Variants in EYA2 observed in about 807,000 individuals in gnomAD.
The protein encoded by EYA2 is EYA transcriptional coactivator and phosphatase 2, also known as protein phosphatase EYA2.
In EYA2, 31 loss-of-function variants were observed where a neutral mutation model predicts 69.2. The observed-to-expected ratio is 0.45, with a 90% confidence interval of 0.34 to 0.60. The LOEUF is 0.60. Among genes scored for constraint, EYA2 ranks in the 20% least tolerant of loss-of-function variants. The pLI, the probability that EYA2 is intolerant of heterozygous loss-of-function variation, is 0.02. For missense variants in EYA2, 622 were observed against 701.2 expected (o/e 0.89, Z 1.28); for synonymous variants, 257 against 279.4 (o/e 0.92, Z 0.80).
intron 8 of EYA2, among the ~76,000 whole-genome samples, chr20:47,094,093 G>A (rs540497323): frequency 6.6e-6 from 1 of 152,348 alleles, no homozygotes; most frequent in Admixed American, 6.5e-5. Flanking sequence ...GTCACCTGCA[G>A]AATGGCCACC....
chr20:47,024,639 G>T (rs1169809649), intron 5 of EYA2, among the ~76,000 whole-genome samples: 1 of 152,204 alleles, frequency 6.6e-6, no homozygotes, highest in East Asian at 1.9e-4. Flanking sequence ...CTGACTTGCA[G>T]CTCCATCTCC....
intron 10 of EYA2, among the ~76,000 whole-genome samples, chr20:47,166,055 G>A (rs2034178956): frequency 6.6e-6 from 1 of 151,710 alleles, no homozygotes; most frequent in Admixed American, 6.6e-5. Context: ...AAATGAATGA[G>A]GCAGGGGCTT....
At chr20:46,901,650 T>A (rs1984116476) in intron 1 of EYA2, 1 of 152,214 alleles carries the variant, frequency 6.6e-6, no homozygotes, top group Admixed American at 6.5e-5. Context: ...TCTAGAAACA[T>A]TGATCTCTCC....
intron 1 of EYA2, among the ~76,000 whole-genome samples, chr20:46,984,826 G>C (rs527738832): frequency 3.3e-5 from 5 of 152,304 alleles, no homozygotes; most frequent in African/African-American, 1.2e-4. Context: ...GTTCATTGCA[G>C]CATTGTTTAT....
chr20:46,989,652 G>A (rs895528588), intron 1 of EYA2, among the ~76,000 whole-genome samples: 5 of 152,154 alleles, frequency 3.3e-5, no homozygotes, highest in Non-Finnish European at 5.9e-5. Context: ...CTCCCTCTCT[G>A]CCTGTCTGTC....
intron 1 of EYA2, among the ~76,000 whole-genome samples, chr20:46,924,669 C>CAAAAAAAAAAAAAAAAAAAAAA (rs10568771): frequency 1.1e-5 from 1 of 88,364 alleles, no homozygotes; most frequent in Non-Finnish European, 2.1e-5. Flanking sequence ...GACTCCATCT[C>CAAAAAAAAAAAAAAAAAAAAAA]AAAAAAAAAA....
At chr20:46,922,806 A>G (rs1345631540) in intron 1 of EYA2, among the ~76,000 whole-genome samples, 1 of 151,018 alleles carries the variant, frequency 6.6e-6, no homozygotes, top group East Asian at 2.0e-4. Flanking sequence ...TCTCTTCACG[A>G]TGGCTTATAA....
chr20:47,076,965 C>G (rs1163523986), intron 7 of EYA2, among the ~76,000 whole-genome samples: 1 of 152,200 alleles, frequency 6.6e-6, no homozygotes, highest in Non-Finnish European at 1.5e-5. Flanking sequence ...ACATGCTCAT[C>G]CCCAAACCAA....
intron 7 of EYA2, among the ~76,000 whole-genome samples, chr20:47,084,720 T>A (rs2031836698): frequency 6.6e-6 from 1 of 152,262 alleles, no homozygotes; most frequent in African/African-American, 2.4e-5. Flanking sequence ...GGAATGGCTT[T>A]AATCACAAAG....
At chr20:47,023,321 C>G (rs1430005355) in intron 5 of EYA2, among the ~76,000 whole-genome samples, 1 of 152,142 alleles carries the variant, frequency 6.6e-6, no homozygotes, top group Non-Finnish European at 1.5e-5. Context: ...TCGGAAGTTG[C>G]ATTGTTTCAT....
At chr20:47,013,094 A>G (rs543351862) in intron 4 of EYA2, among the ~76,000 whole-genome samples, 13 of 152,336 alleles carry the variant, frequency 8.5e-5, no homozygotes, top group Non-Finnish European at 1.3e-4. Context: ...CTTTTCTTTC[A>G]TAGTCATTCA....
At chr20:47,022,243 T>C (rs1230876210) in intron 5 of EYA2, among the ~76,000 whole-genome samples, 1 of 150,540 alleles carries the variant, frequency 6.6e-6, no homozygotes, top group African/African-American at 2.5e-5. Flanking sequence ...GACCCTTCCT[T>C]TATGAACGTT....
At chr20:47,078,329 G>GCA (rs11472681) in intron 7 of EYA2, among the ~76,000 whole-genome samples, 7,154 of 115,960 alleles carry the variant, frequency 0.062, 182 homozygotes, top group African/African-American at 0.094. Flanking sequence ...GCGCGCGCGC[G>GCA]CGCACACACA....
At chr20:47,109,387 T>C (rs547523793) in intron 9 of EYA2, among the ~76,000 whole-genome samples, 1 of 152,326 alleles carries the variant, frequency 6.6e-6, no homozygotes, top group Admixed American at 6.5e-5. Context: ...TAAACCTATT[T>C]GTGCTCCTTT....
At chr20:47,093,185 C>T (rs1349422205) in intron 8 of EYA2, among the ~76,000 whole-genome samples, 3 of 152,194 alleles carry the variant, frequency 2.0e-5, no homozygotes, top group African/African-American at 7.2e-5. Flanking sequence ...CACAGCTCTC[C>T]TCTGGGCCTC....
In EYA2 at chr20:47,123,098, T is replaced by G. The variant is rs73309683; in HGVS notation, c.889-19961T>G. Among the ~76,000 whole-genome samples, 736 of 152,286 alleles carry G rather than the reference T, an allele frequency of 4.8e-3. 8 individuals carry two copies. The highest frequency in any genetic ancestry group is 0.017 in the African/African-American group (690 of 41,566). On this transcript the variant is annotated intron_variant, in intron 9 of 15. Transcript: ENST00000327619. ...GGGGAGGATTACATGAGTTAATACATGTCGAGTGTTTGGAGCTGTACCTCC... is the reference window on the plus strand; with the variant it reads ...GGGGAGGATTACATGAGTTAATACAGGTCGAGTGTTTGGAGCTGTACCTCC...
chr20:47,098,989 CAA>C (rs1158238331), intron 9 of EYA2, among the ~76,000 whole-genome samples: 3 of 152,174 alleles, frequency 2.0e-5, no homozygotes, highest in African/African-American at 4.8e-5. Context: ...GATCCTGAGA[CAA>C]AGAGTGAGTG....
chr20:46,997,468 T>G (rs1446781914), intron 2 of EYA2: 1 of 152,020 alleles, frequency 6.6e-6, no homozygotes, highest in African/African-American at 2.4e-5. Context: ...AGTTTACAAT[T>G]CAGAAGGAAA....
chr20:46,968,743 A>G (rs1255339929), intron 1 of EYA2, among the ~76,000 whole-genome samples: 1 of 151,944 alleles, frequency 6.6e-6, no homozygotes, highest in Non-Finnish European at 1.5e-5. Context: ...ATATCCAGAC[A>G]TTGCCAGGTG....
Sources: allele counts gnomAD v4.1 joint callset (sites outside exome capture counted in the v4.1 genomes callset), GRCh38; gene constraint gnomAD v4.1.1; transcripts MANE v1.5; gene names NCBI Gene and HGNC (gene_info 2026-07-23, HGNC 2026-07-21).